The following SBF2 variants were observed in gnomAD, a reference collection of about 807,000 sequenced individuals.
The protein encoded by SBF2 is SET binding factor 2.
A neutral mutation model predicts 225.2 loss-of-function variants in SBF2; 112 were observed. That is an observed-to-expected ratio of 0.50 (90% CI 0.43 to 0.58). The LOEUF (loss-of-function observed/expected upper bound fraction) is 0.58, where lower values mean the gene tolerates loss of function less well. SBF2 is among the 20% of genes least tolerant of loss of function. The probability of loss-of-function intolerance (pLI) is 0.00; values close to 1 mark genes in which losing one functional copy is unlikely to be tolerated. For missense variants in SBF2, 1,996 were observed against 2,206.2 expected (o/e 0.90, Z 1.91); for synonymous variants, 763 against 773.3 (o/e 0.99, Z 0.22).
At chr11:10,068,198 T>C (rs1950706460) in intron 2 of SBF2, among the ~76,000 whole-genome samples, 1 of 152,242 alleles carries the variant, frequency 6.6e-6, no homozygotes, top group Non-Finnish European at 1.5e-5. Flanking sequence ...AATTTTACTT[T>C]ACATGTATTT....
chr11:9,928,516 G>A (rs373406425), intron 16 of SBF2, among the ~76,000 whole-genome samples: 2 of 152,158 alleles, frequency 1.3e-5, no homozygotes, highest in Non-Finnish European at 2.9e-5. Flanking sequence ...TAAAATGATA[G>A]AGCTGCTTGA....
intron 2 of SBF2, among the ~76,000 whole-genome samples, chr11:10,059,138 G>A (rs961036574): frequency 1.3e-5 from 2 of 152,234 alleles, no homozygotes; most frequent in Non-Finnish European, 1.5e-5. Flanking sequence ...TACAATGACA[G>A]GATCAAATCC....
chr11:10,178,414 A>G (rs549387311), intron 2 of SBF2, among the ~76,000 whole-genome samples: 8 of 140,652 alleles, frequency 5.7e-5, no homozygotes, highest in South Asian at 4.5e-4. Flanking sequence ...GCAACCTACA[A>G]AATGGGAGAA....
At chr11:10,096,199 T>C (rs950977290) in intron 2 of SBF2, among the ~76,000 whole-genome samples, 2 of 152,168 alleles carry the variant, frequency 1.3e-5, no homozygotes, top group African/African-American at 2.4e-5. Context: ...AACAAGATAA[T>C]TGTATTTTTC....
intron 13 of SBF2, among the ~76,000 whole-genome samples, chr11:9,981,146 A>G (rs531165512): frequency 7.2e-5 from 11 of 152,354 alleles, no homozygotes; most frequent in Admixed American, 4.6e-4. Context: ...AAAAAGGTCC[A>G]TCTAGTCAAA....
chr11:10,296,587 C>T (rs1964551760), upstream of SBF2, among the ~76,000 whole-genome samples: 2 of 152,112 alleles, frequency 1.3e-5, no homozygotes, highest in Admixed American at 1.3e-4. Flanking sequence ...AGGACACAGC[C>T]AAACCATATC....
intron 1 of SBF2, among the ~76,000 whole-genome samples, chr11:10,236,558 CA>C (rs1959087096): frequency 6.6e-6 from 1 of 152,134 alleles, no homozygotes; most frequent in Admixed American, 6.5e-5. Flanking sequence ...CTCCTGGGTT[CA>C]AGCAATTCTC....
intron 2 of SBF2, among the ~76,000 whole-genome samples, chr11:10,179,583 TTC>T (rs1956645673): frequency 6.6e-6 from 1 of 152,140 alleles, no homozygotes; most frequent in Non-Finnish European, 1.5e-5. Flanking sequence ...TTATTGAACT[TTC>T]TGTCTCGATC....
chr11:10,156,730 CAA>C (rs1207842299), intron 2 of SBF2, among the ~76,000 whole-genome samples: 20 of 152,250 alleles, frequency 1.3e-4, no homozygotes, highest in African/African-American at 4.8e-4. Flanking sequence ...AGGAGCGCTA[CAA>C]GAAGAACTAC....
chr11:9,968,571 T>C (rs1565074503), intron 13 of SBF2, 26 bp from the exon 14 acceptor site: 1 of 1,571,870 alleles, frequency 6.4e-7, no homozygotes, highest in East Asian at 2.2e-5. Context: ...TAGGTAAAAT[T>C]ACTCCAAGTT....
rs891207168 is a variant in SBF2, at chr11:10,129,116, T to C, written c.141+64786A>G. The stretch of plus-strand genomic sequence containing the variant: ...ATTTTCTCTCTTTTTTTTTTTTTTT[T>C]TTTTTTTTTGAGACACAGTCTCGCT... On this transcript the variant is annotated intron_variant, in intron 2 of 39. Coordinates refer to ENST00000256190, the MANE Select transcript of SBF2 (RefSeq NM_030962.4). 5.4e-4 allele frequency among the ~76,000 whole-genome samples: 79 copies of C among 146,532 alleles called. 2 individuals carry two copies. The highest frequency in any genetic ancestry group is 1.9e-3 in the African/African-American group (75 of 39,850).
At chr11:10,036,792 A>G (rs1423846434) in intron 3 of SBF2, among the ~76,000 whole-genome samples, 2 of 152,216 alleles carry the variant, frequency 1.3e-5, no homozygotes, top group Non-Finnish European at 2.9e-5. Flanking sequence ...TAGGAAAGAT[A>G]ACATCTGAGA....
chr11:10,185,669 A>G (rs1215812392), intron 2 of SBF2, among the ~76,000 whole-genome samples: 2 of 148,042 alleles, frequency 1.4e-5, no homozygotes, highest in African/African-American at 5.0e-5. Context: ...ATAGTATCTT[A>G]TGGTGGCTTT....
At chr11:10,248,025 TAA>T (rs1027027100) in intron 1 of SBF2, among the ~76,000 whole-genome samples, 29 of 152,338 alleles carry the variant, frequency 1.9e-4, no homozygotes, top group African/African-American at 6.7e-4. Context: ...GGTCAGATAT[TAA>T]GTTTGTTAAA....
At chr11:10,216,450 C>A (rs1958132211) in intron 1 of SBF2, among the ~76,000 whole-genome samples, 1 of 152,234 alleles carries the variant, frequency 6.6e-6, no homozygotes. Flanking sequence ...ATTCTCCATT[C>A]CTCTCTAATG....
At chr11:10,229,521 T>A (rs1958733860) in intron 1 of SBF2, among the ~76,000 whole-genome samples, 1 of 152,016 alleles carries the variant, frequency 6.6e-6, no homozygotes, top group Non-Finnish European at 1.5e-5. Context: ...GTGTCTTCGT[T>A]CTTGTTGGTT....
chr11:9,809,101 G>T, intron 30 of SBF2, 99 bp from the exon 31 acceptor site: 1 of 826,810 alleles, frequency 1.2e-6, no homozygotes, highest in Non-Finnish European at 2.1e-6. Flanking sequence ...ACGACTTAGG[G>T]ATAAAGCGCT....
chr11:9,894,016 T>C (rs1250702120), intron 17 of SBF2, among the ~76,000 whole-genome samples: 3 of 152,124 alleles, frequency 2.0e-5, no homozygotes, highest in Admixed American at 6.6e-5. Flanking sequence ...GAGGCCAAAG[T>C]GGGCAGACAG....
rs142456267 is a variant in SBF2, at chr11:9,950,372, C to G, written c.1860+11585G>C. Among the ~76,000 whole-genome samples the G allele has an allele frequency of 3.2e-4, 48 of 152,272 alleles. 1 individual carries two copies. The highest frequency in any genetic ancestry group is 1.0e-3 in the African/African-American group (43 of 41,568). ...AATGTTAGCTCTGATCTCCCCCCTT[C>G]CCAAACTTAACAAATCAGAACATCT... On this transcript the variant is annotated intron_variant, in intron 16 of 39. Coordinates refer to ENST00000256190, the MANE Select transcript of SBF2 (RefSeq NM_030962.4).
Sources: allele counts gnomAD v4.1 joint callset (sites outside exome capture counted in the v4.1 genomes callset), GRCh38; gene constraint gnomAD v4.1.1; transcripts MANE v1.5; gene names NCBI Gene and HGNC (gene_info 2026-07-23, HGNC 2026-07-21).